SLC35F4: variants seen among roughly 807,000 people sequenced by gnomAD.
SLC35F4 encodes chromosome 14 open reading frame 36.
SLC35F4 carries 24 observed loss-of-function variants against 44.2 expected under a neutral mutation model. The ratio of observed to expected loss-of-function variants is 0.54; its 90% CI spans 0.39 to 0.76. The LOEUF (loss-of-function observed/expected upper bound fraction) is 0.76. Among genes scored for constraint, SLC35F4 ranks in the 30% least tolerant of loss-of-function variants. SLC35F4 has a pLI of 0.00. For synonymous variants in SLC35F4, 238 were observed against 223.6 expected (o/e 1.06, Z -0.57); for missense variants, 562 against 586.1 (o/e 0.96, Z 0.42).
intron 1 of SLC35F4, among the ~76,000 whole-genome samples, chr14:57,777,798 C>T (rs1203139515): frequency 6.6e-6 from 1 of 151,954 alleles, no homozygotes; most frequent in African/African-American, 2.4e-5. Flanking sequence ...TAATAAAAGG[C>T]AAACAGTGGC....
At chr14:57,695,163 G>C (rs2075345119) in intron 1 of SLC35F4, among the ~76,000 whole-genome samples, 1 of 152,112 alleles carries the variant, frequency 6.6e-6, no homozygotes, top group East Asian at 1.9e-4. Context: ...AGCCAAAATT[G>C]ACAAATGGGA....
At chr14:57,616,699 TTCC>T in intron 1 of SLC35F4, among the ~76,000 whole-genome samples, 1 of 152,190 alleles carries the variant, frequency 6.6e-6, no homozygotes, top group East Asian at 1.9e-4. Context: ...TTTCTGTCTA[TTCC>T]CTTTACTTGT....
At chr14:57,643,412 T>C (rs1160230173) in intron 1 of SLC35F4, among the ~76,000 whole-genome samples, 1 of 152,072 alleles carries the variant, frequency 6.6e-6, no homozygotes, top group African/African-American at 2.4e-5. Context: ...ATAATAACAA[T>C]AATACATAAT....
At chr14:57,933,884 C>A (rs1889746968) in intron 1 of SLC35F4, among the ~76,000 whole-genome samples, 1 of 152,044 alleles carries the variant, frequency 6.6e-6, no homozygotes, top group Admixed American at 6.5e-5. Context: ...AAAGTCTTGA[C>A]ACGAAAAAAT....
chr14:57,766,401 T>G (rs1447288961), intron 1 of SLC35F4, among the ~76,000 whole-genome samples: 4 of 152,030 alleles, frequency 2.6e-5, no homozygotes, highest in Non-Finnish European at 5.9e-5. Flanking sequence ...CACTCTTGGG[T>G]CAAAAAGAAG....
At chr14:57,792,710 A>C (rs554611215) in intron 1 of SLC35F4, among the ~76,000 whole-genome samples, 129 of 152,296 alleles carry the variant, frequency 8.5e-4, no homozygotes, top group African/African-American at 3.0e-3. Flanking sequence ...TCTCACTTAT[A>C]AGTGGGAGTT....
intron 1 of SLC35F4, among the ~76,000 whole-genome samples, chr14:57,751,177 T>A (rs1424902537): frequency 6.6e-6 from 1 of 152,124 alleles, no homozygotes; most frequent in African/African-American, 2.4e-5. Flanking sequence ...GAACTAAAGC[T>A]TAGGAAGGTT....
rs546431512 is a variant in SLC35F4 at position 57,871,713 on chromosome 14, G to T, written n.282+110200C>A. On this transcript the variant is annotated intron_variant and non_coding_transcript_variant, in intron 1 of 1. Coordinates refer to the SLC35F4 transcript ENST00000556568. ...TTCCTGCCCCCTTGTGGTTGTAGTG[G>T]GGCTGTGTGACTAATTCTGGTTGTG... is the stretch of plus-strand genomic sequence containing the variant. 6.6e-5 allele frequency among the ~76,000 whole-genome samples: 10 copies of T among 152,216 alleles called. No individual in the cohort carries two copies. The South Asian group carries it at 8.3e-4, about 13-fold the overall frequency.
At chr14:57,590,861 C>T (rs909142519) in intron 2 of SLC35F4, among the ~76,000 whole-genome samples, 2 of 152,208 alleles carry the variant, frequency 1.3e-5, no homozygotes, top group East Asian at 1.9e-4. Context: ...ACTGGCTCTC[C>T]GCTGAATGTG....
At chr14:57,750,634 T>A (rs2076862263) in intron 1 of SLC35F4, among the ~76,000 whole-genome samples, 1 of 152,234 alleles carries the variant, frequency 6.6e-6, no homozygotes, top group Admixed American at 6.5e-5. Context: ...TTAGCAATGT[T>A]GAACATTTTT....
At chr14:57,889,581 G>A (rs1473205882) in intron 1 of SLC35F4, among the ~76,000 whole-genome samples, 2 of 152,242 alleles carry the variant, frequency 1.3e-5, no homozygotes, top group African/African-American at 2.4e-5. Flanking sequence ...TTTATCCAGT[G>A]TAGAAGGGCC....
chr14:57,604,690 A>T (rs2071043520), intron 1 of SLC35F4, among the ~76,000 whole-genome samples: 1 of 152,222 alleles, frequency 6.6e-6, no homozygotes, highest in South Asian at 2.1e-4. Context: ...GCATCACATT[A>T]CCTGACTCCA....
chr14:57,827,670 G>C (rs1252512489), intron 1 of SLC35F4, among the ~76,000 whole-genome samples: 1 of 151,898 alleles, frequency 6.6e-6, no homozygotes, highest in Middle Eastern at 3.2e-3. Flanking sequence ...CAACCACTGA[G>C]AGAAAATTAA....
intron 1 of SLC35F4, among the ~76,000 whole-genome samples, chr14:57,739,063 C>T (rs2140502903): frequency 6.6e-6 from 1 of 152,162 alleles, no homozygotes; most frequent in South Asian, 2.1e-4. Flanking sequence ...GACATCATAG[C>T]TCTTTATCCG....
rs953773254 is a variant in SLC35F4 at position 57,611,356 on chromosome 14, T to C, written c.104-17232A>G. Among the ~76,000 whole-genome samples the C allele has an allele frequency of 3.3e-5, 5 of 152,194 alleles. No individual in the cohort carries two copies. The South Asian group carries it at 1.0e-3, about 32-fold the overall frequency. ...AGAAGACAGGATTGGTCATATGAAG[T>C]TGGGTGTATTCCCATGTAAGAGACA... On this transcript the variant is annotated intron_variant, in intron 1 of 7. Coordinates refer to ENST00000556826, the MANE Select transcript of SLC35F4 (RefSeq NM_001306087.2).
At chr14:57,801,386 A>G (rs2078190357) in intron 1 of SLC35F4, among the ~76,000 whole-genome samples, 1 of 152,220 alleles carries the variant, frequency 6.6e-6, no homozygotes, top group Non-Finnish European at 1.5e-5. Context: ...ATGGAAAGGA[A>G]AACCATTACC....
intron 1 of SLC35F4, 110 bp from the exon 2 acceptor site, chr14:57,594,234 G>T: frequency 9.3e-7 from 1 of 1,078,378 alleles, no homozygotes. Context: ...CTGTCACCCA[G>T]GCTAGAGTGC....
At chr14:57,642,707 T>A (rs2073308114) in intron 1 of SLC35F4, among the ~76,000 whole-genome samples, 1 of 151,950 alleles carries the variant, frequency 6.6e-6, no homozygotes, top group African/African-American at 2.4e-5. Context: ...TATAGGGCAG[T>A]GTCATAGTTT....
At chr14:57,902,153 T>C (rs1466123551) in intron 1 of SLC35F4, among the ~76,000 whole-genome samples, 1 of 152,222 alleles carries the variant, frequency 6.6e-6, no homozygotes, top group Non-Finnish European at 1.5e-5. Context: ...AATACTTCTT[T>C]ACTATACTGT....
Sources: gnomAD v4.1 joint callset for allele counts (sites outside exome capture counted in the v4.1 genomes callset) on GRCh38, gnomAD v4.1.1 for gene constraint, MANE v1.5 for transcripts, NCBI Gene and HGNC (gene_info 2026-07-23, HGNC 2026-07-21) for gene names.